Variants in ZZZ3 observed in about 807,000 individuals in gnomAD.
ZZZ3 encodes ZZ-type zinc finger-containing protein 3.
ZZZ3 carries 22 observed loss-of-function variants against 95.2 expected under a neutral mutation model. That is an observed-to-expected ratio of 0.23 (90% confidence interval 0.17 to 0.33). ZZZ3 has a LOEUF of 0.33. ZZZ3 is among the 10% of genes least tolerant of loss of function. The probability of loss-of-function intolerance (pLI) is 1.00; values close to 1 mark genes in which losing one functional copy is unlikely to be tolerated. For missense variants in ZZZ3, 885 were observed against 1,066.5 expected (o/e 0.83, Z 2.37); for synonymous variants, 335 against 358.9 (o/e 0.93, Z 0.75).
rs887060513 is a variant in ZZZ3 at position 77,638,019 on chromosome 1, C to T, written c.-52+1430G>A. ...AATTAACATATTCATATGGGCAAAA[C>T]GCAATCTAACTAACAACTACACTGG... On this transcript the variant is annotated intron_variant, in intron 4 of 14. Transcript: ENST00000370801. Among the ~76,000 whole-genome samples, 7 of 152,272 alleles carry T rather than the reference C, an allele frequency of 4.6e-5. No homozygotes were observed. The East Asian group carries it at 1.2e-3, about 25-fold the overall frequency.
At position 77,564,887 on chromosome 1, in the gene ZZZ3, A is replaced by C. The variant is rs1385289675; in HGVS notation, c.*753T>G. On this transcript the variant is annotated 3_prime_UTR_variant, in exon 15 of 15. Transcript: ENST00000370801. ...TAATGTTGTGAATTAGAAACTTTAC[A>C]CAGTTACTACCACTGGCACTTTTCA... The C allele has an allele frequency of 6.6e-6, 1 of 152,618 alleles. No individual in the cohort carries two copies. Among genetic ancestry groups the C allele is most frequent in the Non-Finnish European group, 1.5e-5 (1 of 68,036 alleles). The allele number at this position is 152,618 out of a possible 1,614,324, so 9.5% of individuals were successfully genotyped here. A position where few individuals can be genotyped will look rare whatever the true frequency, so the allele number is the denominator to read the frequency against.
intron 4 of ZZZ3, among the ~76,000 whole-genome samples, chr1:77,638,116 G>A (rs1339397329): frequency 1.3e-5 from 2 of 152,076 alleles, no homozygotes; most frequent in African/African-American, 4.8e-5. Flanking sequence ...AAAAGAGTGT[G>A]GTCAGTAACT....
intron 1 of ZZZ3, among the ~76,000 whole-genome samples, chr1:77,656,332 AT>A (rs924523580): frequency 1.3e-5 from 2 of 151,956 alleles, no homozygotes; most frequent in East Asian, 1.9e-4. Context: ...TTTAATGTCA[AT>A]TTTTTTTAAG....
rs1669667261 is a variant in ZZZ3, at chr1:77,650,091, A to AT, written c.-402-8437dup. 2.6e-5 allele frequency among the ~76,000 whole-genome samples: 4 copies of AT among 152,216 alleles called. No individual in the cohort carries two copies. The South Asian group carries it at 8.3e-4, about 32-fold the overall frequency. ...AGATAAATTAAGATGTATAGTATAA[A>AT]TCTTAAAACCACCACTAAAAAGCAG... On this transcript the variant is annotated intron_variant, in intron 1 of 14. Coordinates refer to ENST00000370801, the MANE Select transcript of ZZZ3 (RefSeq NM_015534.6).
At chr1:77,639,019 T>A (rs1668534974) in intron 4 of ZZZ3, among the ~76,000 whole-genome samples, 1 of 152,168 alleles carries the variant, frequency 6.6e-6, no homozygotes, top group African/African-American at 2.4e-5. Context: ...ATAAAGAGAC[T>A]TCTTATTTCT....
chr1:77,596,348 G>C lies in ZZZ3; in HGVS notation c.1506-11693C>G, dbSNP rs147954051. 2.7e-3 allele frequency among the ~76,000 whole-genome samples: 417 copies of C among 152,172 alleles called. 4 individuals carry two copies. Among genetic ancestry groups the C allele is most frequent in the Middle Eastern group, 0.024 (7 of 294 alleles). On this transcript the variant is annotated intron_variant, in intron 5 of 14. Transcript: ENST00000370801. ...ACAATAAAAACATCAGTAGTTCCTA[G>C]AAGTTCAATGGGGTTGGAGGAGGAT...
intron 1 of ZZZ3, among the ~76,000 whole-genome samples, chr1:77,667,963 C>T (rs1557778748): frequency 1.3e-5 from 2 of 151,838 alleles, no homozygotes; most frequent in Non-Finnish European, 2.9e-5. Context: ...CACAGGGTTT[C>T]GCCATGTTGG....
intron 10 of ZZZ3, 116 bp downstream of exon 10, chr1:77,579,411 C>A: frequency 1.3e-6 from 1 of 750,438 alleles, no homozygotes. Context: ...CCACATACTA[C>A]AGCACTCTGT....
intron 1 of ZZZ3, among the ~76,000 whole-genome samples, chr1:77,668,186 A>G (rs796211320): frequency 1.4e-4 from 22 of 152,284 alleles, no homozygotes; most frequent in African/African-American, 5.1e-4. Context: ...AATTTAAATA[A>G]CAGGTTTCAT....
At chr1:77,598,023 T>C (rs925908838) in intron 5 of ZZZ3, among the ~76,000 whole-genome samples, 3 of 152,120 alleles carry the variant, frequency 2.0e-5, no homozygotes, top group Non-Finnish European at 2.9e-5. Flanking sequence ...ACCATGCTTT[T>C]TTAAAAGTCT....
At chr1:77,643,692 T>A (rs1668988770) in intron 1 of ZZZ3, among the ~76,000 whole-genome samples, 1 of 152,232 alleles carries the variant, frequency 6.6e-6, no homozygotes, top group African/African-American at 2.4e-5. Context: ...GATTACGTGA[T>A]CTCAGATTCA....
chr1:77,681,899 CAAAAAA>C (rs61661880), intron 1 of ZZZ3, among the ~76,000 whole-genome samples: 1 of 94,746 alleles, frequency 1.1e-5, no homozygotes, highest in Admixed American at 1.2e-4. Context: ...GACTCCGTCT[CAAAAAA>C]AAAAAAAAAA....
In ZZZ3 at chr1:77,682,596, A is replaced by G. The variant is rs1672889842; in HGVS notation, c.-414T>C. The G allele has an allele frequency of 6.6e-6, 1 of 152,242 alleles. No homozygotes were observed. Among genetic ancestry groups the G allele is most frequent in the African/African-American group, 2.4e-5 (1 of 41,434 alleles). The allele number at this position is 152,242 out of a possible 1,614,324, so 9.4% of individuals were successfully genotyped here. A position where few individuals can be genotyped will look rare whatever the true frequency, so the allele number is the denominator to read the frequency against. Reference sequence around the variant, plus strand: ...CCCTAACGACTTGCCTTGTAGAAAGAGTTGCAGGTCCCAGGCCCCCGGAAC... The same window carrying G: ...CCCTAACGACTTGCCTTGTAGAAAGGGTTGCAGGTCCCAGGCCCCCGGAAC... On this transcript the variant is annotated 5_prime_UTR_variant, in exon 1 of 15. Transcript: ENST00000370801.
chr1:77,606,508 A>C (rs1488550807), intron 5 of ZZZ3, among the ~76,000 whole-genome samples: 1 of 151,948 alleles, frequency 6.6e-6, no homozygotes, highest in Non-Finnish European at 1.5e-5. Flanking sequence ...GTAGCCAGGT[A>C]GTGGATATAG....
At chr1:77,662,975 C>T (rs1041223179) in intron 1 of ZZZ3, among the ~76,000 whole-genome samples, 2 of 152,036 alleles carry the variant, frequency 1.3e-5, no homozygotes, top group African/African-American at 4.8e-5. Context: ...CATGGTAGCA[C>T]GCACCTGTAG....
intron 1 of ZZZ3, among the ~76,000 whole-genome samples, chr1:77,651,195 G>A (rs563579904): frequency 6.6e-6 from 1 of 152,160 alleles, no homozygotes; most frequent in African/African-American, 2.4e-5. Context: ...ACCAGCCTGG[G>A]CAACAAAGAG....
At chr1:77,679,451 G>T (rs1049045624) in intron 1 of ZZZ3, among the ~76,000 whole-genome samples, 4 of 152,014 alleles carry the variant, frequency 2.6e-5, no homozygotes, top group Non-Finnish European at 5.9e-5. Flanking sequence ...TACTACAGGC[G>T]TGCACTACCA....
intron 5 of ZZZ3, among the ~76,000 whole-genome samples, chr1:77,618,422 AG>A (rs1035620901): frequency 1.3e-5 from 2 of 151,972 alleles, no homozygotes; most frequent in Admixed American, 6.6e-5. Flanking sequence ...CAAGCACAGT[AG>A]GAAGCCAATG....
Position 77,576,053 on chromosome 1 carries a change from A to G in ZZZ3, c.2331+15T>C. On this transcript the variant is annotated intron_variant, in intron 12 of 14. Coordinates refer to ENST00000370801, the MANE Select transcript of ZZZ3 (RefSeq NM_015534.6). ...ATACCTTGATGTATATAACAACTTG[A>G]TGTGTATAACTTACTGATGCATCTT... 1 of 1,586,900 alleles carries G rather than the reference A, an allele frequency of 6.3e-7. No individual in the cohort carries two copies. The highest frequency in any genetic ancestry group is 8.5e-7 in the Non-Finnish European group (1 of 1,170,250).
Sources: allele counts gnomAD v4.1 joint callset (sites outside exome capture counted in the v4.1 genomes callset), GRCh38; gene constraint gnomAD v4.1.1; transcripts MANE v1.5; gene names NCBI Gene and HGNC (gene_info 2026-07-23, HGNC 2026-07-21).